TRAK1: variants seen among roughly 807,000 people sequenced by gnomAD.
TRAK1 encodes trafficking kinesin protein 1, also known as trafficking kinesin-binding protein 1.
TRAK1 carries 33 observed loss-of-function variants against 92.1 expected under a neutral mutation model. The observed-to-expected ratio is 0.36, with a 90% confidence interval of 0.27 to 0.48. The LOEUF (loss-of-function observed/expected upper bound fraction) is 0.48, where lower values mean the gene tolerates loss of function less well. TRAK1 is among the 20% of genes least tolerant of loss of function. The pLI is 0.99. For missense variants in TRAK1, 1,123 were observed against 1,257.9 expected (o/e 0.89, Z 1.62); for synonymous variants, 521 against 517.3 (o/e 1.01, Z -0.10).
intron 1 of TRAK1, among the ~76,000 whole-genome samples, chr3:42,118,900 A>G (rs549011867): frequency 1.6e-4 from 25 of 152,314 alleles, no homozygotes; most frequent in African/African-American, 5.5e-4. Context: ...TCTATGCTGG[A>G]TAAAGACCTA....
chr3:42,183,503 C>T (rs1296615716), intron 3 of TRAK1, among the ~76,000 whole-genome samples: 2 of 149,128 alleles, frequency 1.3e-5, no homozygotes, highest in Non-Finnish European at 3.0e-5. Flanking sequence ...TTACAGTGAG[C>T]CGAGATCGTG....
At chr3:42,112,279 C>T (rs139716549) in intron 1 of TRAK1, among the ~76,000 whole-genome samples, 6,088 of 149,858 alleles carry the variant, frequency 0.041, 400 homozygotes, top group African/African-American at 0.14. Flanking sequence ...GGCAAAACCC[C>T]GTCTCTACTA....
intron 2 of TRAK1, among the ~76,000 whole-genome samples, chr3:42,172,379 C>T (rs1481700370): frequency 6.6e-6 from 1 of 152,150 alleles, no homozygotes; most frequent in South Asian, 2.1e-4. Context: ...CTGATCAGTG[C>T]TTTTTGATTT....
chr3:42,023,748 T>TG lies in TRAK1; in HGVS notation c.-519+9631_-519+9632insG, dbSNP rs1325141007. 1.3e-3 allele frequency among the ~76,000 whole-genome samples: 174 copies of TG among 131,854 alleles called. 1 individual carries two copies. Among genetic ancestry groups the TG allele is most frequent in the African/African-American group, 4.9e-3 (167 of 34,206 alleles). The allele number at this position is 131,854 out of a possible 152,430, so 86.5% of individuals were successfully genotyped here. ...GAGTTTGACGTGCTCGTGAGGGTTT[T>TG]TTTTTTTTTTTTTTTTTTTTTTTGA... On this transcript the variant is annotated intron_variant, in intron 1 of 16. Transcript: ENST00000487159.
intron 1 of TRAK1, among the ~76,000 whole-genome samples, chr3:42,040,588 A>C (rs1426760176): frequency 2.6e-5 from 4 of 152,020 alleles, no homozygotes; most frequent in Non-Finnish European, 5.9e-5. Context: ...AAATCAAATG[A>C]CCATAAATGT....
At chr3:42,220,504 G>C in intron 15 of TRAK1, 4 of 985,454 alleles carry the variant, frequency 4.1e-6, no homozygotes, top group Non-Finnish European at 4.8e-6. Flanking sequence ...CGCAGGTCAT[G>C]TGAGGAGGAC....
At chr3:42,211,432 G>C (rs7372751) in intron 14 of TRAK1, 367,896 of 985,024 alleles carry the variant, frequency 0.37, 69,141 homozygotes, top group East Asian at 0.5. Context: ...TTTTTTATTT[G>C]TTATCTACAC....
chr3:42,015,147 G>A (rs567629096), intron 1 of TRAK1, among the ~76,000 whole-genome samples: 1 of 152,306 alleles, frequency 6.6e-6, no homozygotes, highest in South Asian at 2.1e-4. Flanking sequence ...TGGAGTGACA[G>A]ATGGCGCCTT....
chr3:42,073,182 C>T (rs1315854258), intron 1 of TRAK1, among the ~76,000 whole-genome samples: 1 of 152,178 alleles, frequency 6.6e-6, no homozygotes, highest in Admixed American at 6.5e-5. Flanking sequence ...TCAGGAGGCC[C>T]TGGGGGCTCT....
intron 2 of TRAK1, among the ~76,000 whole-genome samples, chr3:42,140,848 C>CT (rs1392438795): frequency 6.6e-6 from 1 of 152,158 alleles, no homozygotes; most frequent in Non-Finnish European, 1.5e-5. Flanking sequence ...GGTGCCCTGA[C>CT]TAACAGGGAG....
At chr3:42,141,747 G>A (rs1228452520) in intron 2 of TRAK1, among the ~76,000 whole-genome samples, 3 of 152,078 alleles carry the variant, frequency 2.0e-5, no homozygotes, top group Non-Finnish European at 4.4e-5. Context: ...TCTCCTCTGT[G>A]GGCGTTTTCT....
chr3:42,066,857 G>A (rs1703703249), intron 1 of TRAK1, among the ~76,000 whole-genome samples: 1 of 152,126 alleles, frequency 6.6e-6, no homozygotes, highest in African/African-American at 2.4e-5. Context: ...CTAATGGGGT[G>A]CCTTTTTCAG....
chr3:42,130,734 C>T (rs970633822), intron 2 of TRAK1, among the ~76,000 whole-genome samples: 3 of 152,134 alleles, frequency 2.0e-5, no homozygotes, highest in Admixed American at 2.0e-4. Context: ...TGGGAACCTG[C>T]ATATTAAACC....
intron 1 of TRAK1, among the ~76,000 whole-genome samples, chr3:42,016,283 C>T (rs953010492): frequency 3.9e-5 from 6 of 151,990 alleles, no homozygotes; most frequent in African/African-American, 1.2e-4. Flanking sequence ...TGGCTCACTG[C>T]GGCCTCCACC....
intron 1 of TRAK1, among the ~76,000 whole-genome samples, chr3:42,056,375 T>G (rs1048066541): frequency 3.3e-5 from 5 of 152,228 alleles, no homozygotes; most frequent in Admixed American, 3.3e-4. Context: ...ATTATAGAAA[T>G]CCTTGTGGGT....
intron 2 of TRAK1, among the ~76,000 whole-genome samples, chr3:42,152,103 G>T (rs1700024207): frequency 6.6e-6 from 1 of 152,178 alleles, no homozygotes; most frequent in South Asian, 2.1e-4. Context: ...ATCTTTGAGG[G>T]TTAGGAGAAC....
chr3:42,154,837 T>C (rs1437032427), intron 2 of TRAK1, among the ~76,000 whole-genome samples: 1 of 152,138 alleles, frequency 6.6e-6, no homozygotes, highest in Non-Finnish European at 1.5e-5. Flanking sequence ...GTGAGGAACA[T>C]TGAGCATCAA....
At chr3:42,105,980 G>C (rs887143782) in intron 1 of TRAK1, among the ~76,000 whole-genome samples, 30 of 152,306 alleles carry the variant, frequency 2.0e-4, no homozygotes, top group African/African-American at 7.2e-4. Flanking sequence ...GAGAGATTTT[G>C]TCACCACCAG....
intron 1 of TRAK1, among the ~76,000 whole-genome samples, chr3:42,030,370 A>ATATATATAT (rs1553701545): frequency 4.1e-5 from 3 of 72,814 alleles, no homozygotes; most frequent in South Asian, 6.5e-4. Flanking sequence ...TCTAAAAAAA[A>ATATATATAT]AAATATATAT....
Sources: allele counts gnomAD v4.1 joint callset (sites outside exome capture counted in the v4.1 genomes callset), GRCh38; gene constraint gnomAD v4.1.1; transcripts MANE v1.5; gene names NCBI Gene and HGNC (gene_info 2026-07-23, HGNC 2026-07-21).